The following KAZN variants were observed in gnomAD, a reference collection of about 807,000 sequenced individuals.
KAZN encodes kazrin, periplakin interacting protein.
A neutral mutation model predicts 87.4 loss-of-function variants in KAZN; 40 were observed. The ratio of observed to expected loss-of-function variants is 0.46; its 90% CI spans 0.36 to 0.60. The LOEUF is 0.60. Among genes scored for constraint, KAZN ranks in the 20% least tolerant of loss-of-function variants. The probability of loss-of-function intolerance (pLI) is 0.00; values close to 1 mark genes in which losing one functional copy is unlikely to be tolerated. For synonymous variants in KAZN, 466 were observed against 458.3 expected (o/e 1.02, Z -0.22); for missense variants, 898 against 1,073.9 (o/e 0.84, Z 2.29).
At chr1:14,327,712 T>C (rs1200914303) in intron 2 of KAZN, among the ~76,000 whole-genome samples, 1 of 152,218 alleles carries the variant, frequency 6.6e-6, no homozygotes, top group African/African-American at 2.4e-5. Context: ...TGATGACCCT[T>C]TGCTGAAGCC....
chr1:14,420,606 G>A (rs1278827861), intron 2 of KAZN, among the ~76,000 whole-genome samples: 1 of 152,226 alleles, frequency 6.6e-6, no homozygotes, highest in East Asian at 1.9e-4. Flanking sequence ...CAGGAGTGGG[G>A]AGGCTCAGGC....
At chr1:14,220,416 A>T (rs1647069576) in intron 2 of KAZN, among the ~76,000 whole-genome samples, 2 of 151,916 alleles carry the variant, frequency 1.3e-5, no homozygotes, top group Non-Finnish European at 1.5e-5. Flanking sequence ...TACCCTGTGG[A>T]TGTGTTTGTT....
chr1:14,253,935 G>T (rs981219722), intron 2 of KAZN, among the ~76,000 whole-genome samples: 1 of 122,116 alleles, frequency 8.2e-6, no homozygotes, highest in Admixed American at 1.0e-4. Flanking sequence ...CAAGCGAGAC[G>T]TGACATTCTG....
chr1:14,067,213 C>T (rs1033655802), intron 1 of KAZN, among the ~76,000 whole-genome samples: 1 of 152,186 alleles, frequency 6.6e-6, no homozygotes, highest in African/African-American at 2.4e-5. Context: ...CATAGCCTAG[C>T]ACAGTGCCTG....
At chr1:14,127,744 G>C (rs1644904926) in intron 1 of KAZN, among the ~76,000 whole-genome samples, 1 of 152,188 alleles carries the variant, frequency 6.6e-6, no homozygotes. Context: ...CTGCGAATTT[G>C]GTCACCAGAG....
intron 1 of KAZN, among the ~76,000 whole-genome samples, chr1:14,087,617 G>A (rs1643884633): frequency 6.6e-6 from 1 of 151,974 alleles, no homozygotes; most frequent in Non-Finnish European, 1.5e-5. Context: ...TCAGATTGAG[G>A]AAGTTCCTTT....
intron 2 of KAZN, among the ~76,000 whole-genome samples, chr1:14,183,327 C>A (rs144115516): frequency 6.6e-6 from 1 of 152,072 alleles, no homozygotes; most frequent in Non-Finnish European, 1.5e-5. Context: ...AAAATGGAAT[C>A]GCGAAGGGAG....
At chr1:14,338,614 A>G (rs554720782) in intron 2 of KAZN, among the ~76,000 whole-genome samples, 1 of 124,884 alleles carries the variant, frequency 8.0e-6, no homozygotes, top group South Asian at 2.6e-4. Flanking sequence ...ATGGAAGGAA[A>G]TTTCCTTTTC....
At chr1:14,800,361 C>G (rs1484217377) in intron 1 of KAZN, among the ~76,000 whole-genome samples, 1 of 152,160 alleles carries the variant, frequency 6.6e-6, no homozygotes, top group Admixed American at 6.5e-5. Context: ...AATGAATAAA[C>G]AAGATGTGGT....
At chr1:14,296,690 C>G (rs1223143786) in intron 2 of KAZN, among the ~76,000 whole-genome samples, 1 of 122,426 alleles carries the variant, frequency 8.2e-6, no homozygotes, top group Non-Finnish European at 1.6e-5. Context: ...GGCTGTAGTA[C>G]AGTGGCATGA....
intron 2 of KAZN, among the ~76,000 whole-genome samples, chr1:14,259,488 C>CT (rs943885769): frequency 2.0e-5 from 3 of 152,106 alleles, no homozygotes; most frequent in Admixed American, 6.5e-5. Context: ...TGAGGCACGC[C>CT]TTTGCCTTTC....
rs142314390 is a variant in KAZN, at chr1:14,697,570, C to T, written c.226+98347C>T. Among the ~76,000 whole-genome samples, 889 of 152,286 alleles carry T rather than the reference C, an allele frequency of 5.8e-3. 6 individuals are homozygous for T. Among genetic ancestry groups the T allele is most frequent in the Admixed American group, 9.0e-3 (138 of 15,294 alleles). ...TCCTCTCTCATGGCTCTGTGATCAA[C>T]GGGGCTGCGTCGTCAGTGGGCAGCA... On this transcript the variant is annotated intron_variant, in intron 1 of 14. Coordinates refer to ENST00000376030, the MANE Select transcript of KAZN (RefSeq NM_201628.3).
intron 2 of KAZN, among the ~76,000 whole-genome samples, chr1:14,194,238 A>G (rs1646480671): frequency 6.6e-6 from 1 of 152,156 alleles, no homozygotes; most frequent in Non-Finnish European, 1.5e-5. Context: ...ATGGAGATTG[A>G]GCAAGGCTTA....
chr1:14,730,419 C>A (rs1643628731), intron 1 of KAZN, among the ~76,000 whole-genome samples: 1 of 152,124 alleles, frequency 6.6e-6, no homozygotes, highest in Non-Finnish European at 1.5e-5. Context: ...CACGCTTATT[C>A]ATTGATGGGC....
rs560665577 is a variant in KAZN, at chr1:15,035,340, G to A, written c.555+455G>A. Among the ~76,000 whole-genome samples the A allele has an allele frequency of 7.2e-4, 109 of 152,348 alleles. 1 individual carries two copies. The highest frequency in any genetic ancestry group is 7.1e-3 in the Admixed American group (109 of 15,306). ...TTTACTAACACCATAATAAAAGTGT[G>A]AAGAGAGAGCTGGGGAGCCCCAGTG... is the stretch of plus-strand genomic sequence containing the variant. On this transcript the variant is annotated intron_variant, in intron 3 of 14. Transcript: ENST00000376030.
intron 1 of KAZN, among the ~76,000 whole-genome samples, chr1:14,790,842 A>G (rs1245382295): frequency 4.1e-4 from 62 of 152,108 alleles, no homozygotes; most frequent in Non-Finnish European, 1.6e-4. Flanking sequence ...ATATGCGTGC[A>G]CCACTATGCC....
chr1:14,395,764 G>A (rs1662843862), intron 2 of KAZN, among the ~76,000 whole-genome samples: 1 of 152,158 alleles, frequency 6.6e-6, no homozygotes, highest in Non-Finnish European at 1.5e-5. Flanking sequence ...TGAGTTAGAA[G>A]ACGGATACTA....
chr1:15,074,219 G>A (rs1006677506), intron 8 of KAZN, among the ~76,000 whole-genome samples: 1 of 152,252 alleles, frequency 6.6e-6, no homozygotes, highest in Non-Finnish European at 1.5e-5. Context: ...GGGAGAGGCT[G>A]CAGCCACCGT....
intron 1 of KAZN, among the ~76,000 whole-genome samples, chr1:14,025,853 G>A (rs1191852473): frequency 6.6e-6 from 1 of 152,056 alleles, no homozygotes; most frequent in Non-Finnish European, 1.5e-5. Context: ...CTGCATTATG[G>A]TTGCTTGTCT....
Sources: gnomAD v4.1 joint callset for allele counts (sites outside exome capture counted in the v4.1 genomes callset) on GRCh38, gnomAD v4.1.1 for gene constraint, MANE v1.5 for transcripts, NCBI Gene and HGNC (gene_info 2026-07-23, HGNC 2026-07-21) for gene names.